NCKAP5: variants seen among roughly 807,000 people sequenced by gnomAD.
NCKAP5 encodes the protein NCK associated protein 5, also known as nck-associated protein 5.
Under a neutral mutation model 167.0 loss-of-function variants are expected in NCKAP5, and 92 were observed. The observed-to-expected ratio is 0.55, with a 90% confidence interval of 0.47 to 0.66. NCKAP5 has a LOEUF of 0.66. Ranked by LOEUF, NCKAP5 falls within the 30% of genes least tolerant of loss-of-function variation. The pLI, the probability that NCKAP5 is intolerant of heterozygous loss-of-function variation, is 0.00. For missense variants in NCKAP5, 2,378 were observed against 2,315.0 expected (o/e 1.03, Z -0.56); for synonymous variants, 891 against 877.4 (o/e 1.02, Z -0.27).
At chr2:132,869,069 G>C in intron 9 of NCKAP5, 95 bp from the exon 10 acceptor site, 2 of 793,990 alleles carry the variant, frequency 2.5e-6, no homozygotes. Flanking sequence ...GCTTATTGTA[G>C]CTAATTAGCT....
Position 133,016,013 on chromosome 2 carries a change from G to A in NCKAP5, c.342-21774C>T, listed in dbSNP as rs2078321846. ...AAAAGCCTGCAATGTTTGGGTGGCTGTGAGTACTGGCATGGCTCTAGGACA... is the reference window on the plus strand; with the variant it reads ...AAAAGCCTGCAATGTTTGGGTGGCTATGAGTACTGGCATGGCTCTAGGACA... On this transcript the variant is annotated intron_variant, in intron 6 of 19. Transcript: ENST00000409261. Among the ~76,000 whole-genome samples the A allele has an allele frequency of 2.6e-5, 4 of 151,694 alleles. No homozygotes were observed. In the South Asian group the frequency reaches 8.4e-4, roughly 32 times the overall value.
rs749869108 is a variant in NCKAP5 at position 132,783,874 on chromosome 2, A to T, written c.2937T>A (p.Ala979=). ...FKSPLLKGIS[A]PVISSNPATT... ...TGGCCGGATTAGAAGAAATAACTGG[A>T]GCAGAAATTCCTTTCAGCAGCGGGG... Residue 979 remains alanine (A), a synonymous_variant, in exon 14 of 20, where the codon GCT becomes GCA. Coordinates refer to ENST00000409261, the MANE Select transcript of NCKAP5 (RefSeq NM_207363.3). 16 of 1,533,024 alleles carry T rather than the reference A, an allele frequency of 1.0e-5. No individual in the cohort carries two copies. The highest frequency in any genetic ancestry group is 1.4e-5 in the Non-Finnish European group (16 of 1,142,738). 95.0% of individuals were successfully genotyped at this position (1,533,024 alleles called of 1,614,324 possible).
intron 5 of NCKAP5, among the ~76,000 whole-genome samples, chr2:133,185,717 GC>G (rs1306612880): frequency 6.6e-6 from 1 of 151,574 alleles, no homozygotes; most frequent in Non-Finnish European, 1.5e-5. Flanking sequence ...ATTTTTTATG[GC>G]TATTTTGTAA....
intron 3 of NCKAP5, among the ~76,000 whole-genome samples, chr2:133,392,195 C>T (rs1444216212): frequency 2.6e-5 from 4 of 152,210 alleles, no homozygotes; most frequent in African/African-American, 7.2e-5. Flanking sequence ...TAAAACCATA[C>T]ATGTACTGTA....
intron 8 of NCKAP5, among the ~76,000 whole-genome samples, chr2:132,963,018 G>GA (rs55838032): frequency 0.15 from 22,886 of 150,240 alleles, 2,321 homozygotes; most frequent in East Asian, 0.4. Flanking sequence ...TGAACTCATA[G>GA]AAAAAAAAAA....
At chr2:133,611,968 T>C in the NCKAP5 span, among the ~76,000 whole-genome samples, 1 of 152,276 alleles carries the variant, frequency 6.6e-6, no homozygotes, top group Non-Finnish European at 1.5e-5. Context: ...CCAAATTTCT[T>C]AGACATCAGA....
intron 3 of NCKAP5, among the ~76,000 whole-genome samples, chr2:133,321,974 A>T (rs1328694168): frequency 6.6e-6 from 1 of 152,212 alleles, no homozygotes; most frequent in African/African-American, 2.4e-5. Flanking sequence ...GTAAAACTTA[A>T]TAGTCATGCA....
chr2:132,997,537 C>T (rs1034244624), intron 6 of NCKAP5, among the ~76,000 whole-genome samples: 1 of 151,740 alleles, frequency 6.6e-6, no homozygotes, highest in South Asian at 2.1e-4. Flanking sequence ...AGATGAGAAA[C>T]CTAAGGTACA....
intron 4 of NCKAP5, among the ~76,000 whole-genome samples, chr2:133,289,495 A>G (rs537299368): frequency 6.6e-6 from 1 of 152,172 alleles, no homozygotes; most frequent in Non-Finnish European, 1.5e-5. Context: ...TAATCCTAGC[A>G]CTTTGGGAGG....
chr2:133,211,387 C>T (rs866518552), intron 5 of NCKAP5, among the ~76,000 whole-genome samples: 79 of 152,156 alleles, frequency 5.2e-4, no homozygotes, highest in African/African-American at 1.8e-3. Flanking sequence ...TGCACCACCA[C>T]GCCTGGCTAA....
intron 16 of NCKAP5, among the ~76,000 whole-genome samples, chr2:132,766,100 T>C (rs1681454204): frequency 6.6e-6 from 1 of 151,572 alleles, no homozygotes; most frequent in African/African-American, 2.4e-5. Context: ...GCCAACATGG[T>C]GAAACCCCGT....
the NCKAP5 span, among the ~76,000 whole-genome samples, chr2:133,631,357 C>T: frequency 3.3e-5 from 5 of 152,298 alleles, no homozygotes; most frequent in East Asian, 1.9e-4. Flanking sequence ...AGAGCAAATA[C>T]GTAAATGCAT....
chr2:133,092,335 G>C (rs1054566430), intron 6 of NCKAP5, among the ~76,000 whole-genome samples: 22 of 152,144 alleles, frequency 1.4e-4, no homozygotes, highest in South Asian at 2.1e-4. Context: ...GCAGAAGTTG[G>C]AGTGATGCAG....
chr2:132,857,397 T>A (rs1433815879), intron 11 of NCKAP5, among the ~76,000 whole-genome samples: 1 of 152,158 alleles, frequency 6.6e-6, no homozygotes, highest in Non-Finnish European at 1.5e-5. Context: ...ACCTACTAAG[T>A]TACAAAAATA....
chr2:133,088,539 G>A (rs886832255), intron 6 of NCKAP5, among the ~76,000 whole-genome samples: 1 of 152,094 alleles, frequency 6.6e-6, no homozygotes, highest in African/African-American at 2.4e-5. Flanking sequence ...CACCCAGAGA[G>A]AGAATGCTGC....
intron 11 of NCKAP5, among the ~76,000 whole-genome samples, chr2:132,840,116 C>G (rs2105417345): frequency 6.6e-6 from 1 of 152,216 alleles, no homozygotes; most frequent in South Asian, 2.1e-4. Flanking sequence ...TCTTAGAGCA[C>G]TTCCAGAATC....
chr2:133,278,714 G>A (rs1017467978), intron 4 of NCKAP5, among the ~76,000 whole-genome samples: 18 of 149,134 alleles, frequency 1.2e-4, no homozygotes, highest in South Asian at 1.1e-3. Context: ...ATTGAAAGAC[G>A]TCTGACAAAA....
chr2:132,721,628 AC>A (rs1331258363), intron 19 of NCKAP5, among the ~76,000 whole-genome samples: 5 of 152,098 alleles, frequency 3.3e-5, no homozygotes, highest in Non-Finnish European at 7.3e-5. Flanking sequence ...TTTTTATACA[AC>A]CTTTGCCAAC....
In NCKAP5 at chr2:133,182,184, A is replaced by G. The variant is rs192697056; in HGVS notation, c.207+31532T>C. On this transcript the variant is annotated intron_variant, in intron 5 of 19. Transcript: ENST00000409261. Reference sequence around the variant, plus strand: ...TAGACTTCAACACTCTTCTCCCAACAACTGATAGACCAACTACACAGAAAA... The same window carrying G: ...TAGACTTCAACACTCTTCTCCCAACGACTGATAGACCAACTACACAGAAAA... Among the ~76,000 whole-genome samples the G allele has an allele frequency of 7.2e-5, 11 of 152,326 alleles. No individual in the cohort carries two copies. The East Asian group carries it at 2.1e-3, about 29-fold the overall frequency.
Sources: gnomAD v4.1 joint callset for allele counts (sites outside exome capture counted in the v4.1 genomes callset) on GRCh38, gnomAD v4.1.1 for gene constraint, MANE v1.5 for transcripts, NCBI Gene and HGNC (gene_info 2026-07-23, HGNC 2026-07-21) for gene names.